CHST11: variants seen among roughly 807,000 people sequenced by gnomAD.
The protein encoded by CHST11 is C4S-1.
Under a neutral mutation model 30.4 loss-of-function variants are expected in CHST11, and 9 were observed. That is an observed-to-expected ratio of 0.30 (90% confidence interval 0.18 to 0.52). CHST11 has a LOEUF of 0.52. Ranked by LOEUF, CHST11 falls within the 20% of genes least tolerant of loss-of-function variation. CHST11 has a pLI of 0.97. For missense variants in CHST11, 348 were observed against 460.6 expected (o/e 0.76, Z 2.24); for synonymous variants, 152 against 187.8 (o/e 0.81, Z 1.56).
At position 104,757,795 on chromosome 12, in the gene CHST11, T is replaced by C. The variant is rs1394530389; in HGVS notation, c.1051T>C (p.Leu351=). Residue 351 remains leucine, a synonymous_variant, in exon 3 of 3, where the codon TTG becomes CTG. Coordinates refer to ENST00000303694, the MANE Select transcript of CHST11 (RefSeq NM_018413.6). The surrounding 1 kb of genome is among the most constrained non-coding windows in gnomAD (Gnocchi z 6.5). The stretch of plus-strand genomic sequence containing the variant: ...TTACTCAGTGCCAAGCTACCTGAAA[T>C]TGGAATAAAGGGGGTGGGGAGAGGG... ...FNYSVPSYLK[L]E 9 of 1,610,704 alleles carry C rather than the reference T, an allele frequency of 5.6e-6. No homozygotes were observed. The highest frequency in any genetic ancestry group is 2.7e-5 in the African/African-American group (2 of 74,830).
intron 2 of CHST11, among the ~76,000 whole-genome samples, chr12:104,662,964 A>G (rs1473014943): frequency 6.6e-6 from 1 of 152,246 alleles, no homozygotes; most frequent in South Asian, 2.1e-4. Flanking sequence ...TGTGCCACGG[A>G]GCCCACTCAG....
At chr12:104,500,738 G>A (rs2037845563) in intron 1 of CHST11, among the ~76,000 whole-genome samples, 1 of 152,216 alleles carries the variant, frequency 6.6e-6, no homozygotes, top group Non-Finnish European at 1.5e-5. Context: ...TGCCAAAGTG[G>A]TCAGTTTTTG....
In CHST11 at chr12:104,741,583, GC is replaced by G. The variant is rs1485742594; in HGVS notation, c.205-15364del. On this transcript the variant is annotated intron_variant, in intron 2 of 2. Transcript: ENST00000303694. ...CATATTAATAGCTAATCTTGATATTGCCAGAAAATTGCTCTTCAGACCTCCA... is the reference window on the plus strand; with the variant it reads ...CATATTAATAGCTAATCTTGATATTGCAGAAAATTGCTCTTCAGACCTCCA... Among the ~76,000 whole-genome samples the G allele has an allele frequency of 4.6e-5, 7 of 152,236 alleles. No individual in the cohort carries two copies. In the East Asian group the frequency reaches 1.3e-3, roughly 29 times the overall value.
At chr12:104,632,429 G>A (rs376977603) in intron 2 of CHST11, among the ~76,000 whole-genome samples, 1 of 152,194 alleles carries the variant, frequency 6.6e-6, no homozygotes, top group East Asian at 1.9e-4. Flanking sequence ...GGGAAGTGCC[G>A]AGCTAACGGG....
intron 1 of CHST11, among the ~76,000 whole-genome samples, chr12:104,566,853 G>C (rs1320212364): frequency 6.6e-6 from 1 of 151,888 alleles, no homozygotes; most frequent in Non-Finnish European, 1.5e-5. Flanking sequence ...TGGAACCTTA[G>C]AATCTTTTCC....
chr12:104,691,288 C>A (rs1008762923), intron 2 of CHST11, among the ~76,000 whole-genome samples: 2 of 152,082 alleles, frequency 1.3e-5, no homozygotes, highest in African/African-American at 4.8e-5. Context: ...TGTTGTCTTT[C>A]ACCAGGGAAG....
intron 1 of CHST11, among the ~76,000 whole-genome samples, chr12:104,544,167 A>AAGGAAGG (rs1565981272): frequency 8.1e-6 from 1 of 123,472 alleles, no homozygotes; most frequent in African/African-American, 3.1e-5. Context: ...AGAAAGAAAG[A>AAGGAAGG]AAGAAAGAAA....
intron 1 of CHST11, among the ~76,000 whole-genome samples, chr12:104,520,048 A>G (rs953664885): frequency 6.6e-6 from 1 of 152,138 alleles, no homozygotes; most frequent in Non-Finnish European, 1.5e-5. Flanking sequence ...CAGGAGCTCC[A>G]TGTTCCTTAT....
intron 1 of CHST11, among the ~76,000 whole-genome samples, chr12:104,467,504 C>A (rs777541093): frequency 6.6e-6 from 1 of 152,094 alleles, no homozygotes; most frequent in Non-Finnish European, 1.5e-5. Flanking sequence ...CCAGTTCTAG[C>A]GGTGGTGGAG....
At chr12:104,463,005 G>A (rs968241618) in intron 1 of CHST11, among the ~76,000 whole-genome samples, 4 of 152,168 alleles carry the variant, frequency 2.6e-5, no homozygotes, top group Non-Finnish European at 5.9e-5. Flanking sequence ...GTGGGGTGAG[G>A]GGTGAGGGAA....
intron 2 of CHST11, among the ~76,000 whole-genome samples, chr12:104,698,307 G>T (rs76482818): frequency 4.5e-4 from 69 of 152,146 alleles, no homozygotes; most frequent in Non-Finnish European, 7.1e-4. Flanking sequence ...ATGACTCCAA[G>T]CACTTGATGA....
chr12:104,524,136 C>A (rs559287880), intron 1 of CHST11, among the ~76,000 whole-genome samples: 1 of 149,648 alleles, frequency 6.7e-6, no homozygotes, highest in Non-Finnish European at 1.5e-5. Flanking sequence ...ATTTTTCTTG[C>A]GAATAAATGT....
chr12:104,518,379 CAT>C (rs1422344286), intron 1 of CHST11, among the ~76,000 whole-genome samples: 1 of 152,140 alleles, frequency 6.6e-6, no homozygotes, highest in African/African-American at 2.4e-5. Flanking sequence ...GGATGATACA[CAT>C]GTTATCATGC....
intron 2 of CHST11, among the ~76,000 whole-genome samples, chr12:104,617,309 G>C (rs1423414674): frequency 6.6e-6 from 1 of 152,122 alleles, no homozygotes; most frequent in Non-Finnish European, 1.5e-5. Flanking sequence ...AGATTGGGTT[G>C]TTCCTTCACT....
At chr12:104,707,752 G>A (rs961279720) in intron 2 of CHST11, among the ~76,000 whole-genome samples, 2 of 151,962 alleles carry the variant, frequency 1.3e-5, no homozygotes, top group African/African-American at 4.8e-5. Context: ...ACATACAAAT[G>A]CACACACACA....
At chr12:104,679,673 C>T (rs1212861840) in intron 2 of CHST11, among the ~76,000 whole-genome samples, 1 of 152,188 alleles carries the variant, frequency 6.6e-6, no homozygotes, top group Non-Finnish European at 1.5e-5. Flanking sequence ...CAGGGACAGC[C>T]AGCACTATCA....
At chr12:104,567,333 G>C (rs556004116) in intron 1 of CHST11, among the ~76,000 whole-genome samples, 1 of 152,314 alleles carries the variant, frequency 6.6e-6, no homozygotes, top group East Asian at 1.9e-4. Flanking sequence ...GCTTCAATCA[G>C]ATCTGGCAGA....
intron 2 of CHST11, among the ~76,000 whole-genome samples, chr12:104,715,670 T>C (rs920093484): frequency 6.6e-6 from 1 of 152,138 alleles, no homozygotes; most frequent in Non-Finnish European, 1.5e-5. Flanking sequence ...TGCCAAAGGA[T>C]GCTGCTGCCC....
At chr12:104,732,667 T>A (rs1429383355) in intron 2 of CHST11, among the ~76,000 whole-genome samples, 2 of 152,162 alleles carry the variant, frequency 1.3e-5, no homozygotes, top group Non-Finnish European at 2.9e-5. Flanking sequence ...CCTGTCCAAG[T>A]GTCCATATCC....
Sources: gnomAD v4.1 joint callset for allele counts (sites outside exome capture counted in the v4.1 genomes callset) on GRCh38, gnomAD v4.1.1 for gene constraint, Gnocchi (gnomAD v3.1) non-coding constraint, MANE v1.5 for transcripts, NCBI Gene and HGNC (gene_info 2026-07-23, HGNC 2026-07-21) for gene names.